ADAMTS12: variants seen among roughly 807,000 people sequenced by gnomAD.
ADAMTS12 encodes ADAM metallopeptidase with thrombospondin type 1 motif 12.
Under a neutral mutation model 167.8 loss-of-function variants are expected in ADAMTS12, and 118 were observed. The ratio of observed to expected loss-of-function variants is 0.70; its 90% CI spans 0.61 to 0.82. The LOEUF (loss-of-function observed/expected upper bound fraction) is 0.82, where lower values mean the gene tolerates loss of function less well. ADAMTS12 is among the 40% of genes least tolerant of loss of function. The pLI, the probability that ADAMTS12 is intolerant of heterozygous loss-of-function variation, is 0.00. For missense variants in ADAMTS12, 1,916 were observed against 1,998.8 expected (o/e 0.96, Z 0.79); for synonymous variants, 704 against 716.9 (o/e 0.98, Z 0.29).
chr5:33,770,073 T>C (rs1054630063), intron 2 of ADAMTS12, among the ~76,000 whole-genome samples: 7 of 152,122 alleles, frequency 4.6e-5, no homozygotes, highest in Admixed American at 4.6e-4. Flanking sequence ...TTTAATAATA[T>C]AATGGTCCCG....
Position 33,609,368 on chromosome 5 carries a change from CTT to C in ADAMTS12, c.2527+4868_2527+4869del, listed in dbSNP as rs66470839. Reference sequence around the variant, plus strand: ...AAAATTCATTATATTAAAAATTTAACTTTTTTTTTTTTTTTTTTTGGAGAGAG... The same window carrying C: ...AAAATTCATTATATTAAAAATTTAACTTTTTTTTTTTTTTTTTGGAGAGAG... On this transcript the variant is annotated intron_variant, in intron 16 of 23. Transcript: ENST00000504830. Among the ~76,000 whole-genome samples, 326 of 141,328 alleles carry C rather than the reference CTT, an allele frequency of 2.3e-3. 2 individuals are homozygous for C. Among genetic ancestry groups the C allele is most frequent in the East Asian group, 0.016 (76 of 4,798 alleles). 92.7% of individuals were successfully genotyped at this position (141,328 alleles called of 152,430 possible).
Position 33,576,657 on chromosome 5 carries a change from T to A in ADAMTS12, c.3369A>T (p.Thr1123=). The part of the protein sequence containing the change: ...PTSEGGLVAT[T]TSGSGLSSSR... ...AAGATGACAAGCCAGAACCACTTGT[T>A]GTTGTAGCTACAAGGCCTCCCTCCG... Residue 1123 remains threonine (T), a synonymous_variant, in exon 19 of 24, where the codon ACA becomes ACT. Transcript: ENST00000504830. 2.5e-6 allele frequency: 4 copies of A among 1,614,200 alleles called. No homozygotes were observed. The highest frequency in any genetic ancestry group is 3.4e-6 in the Non-Finnish European group (4 of 1,180,028).
Position 33,649,598 on chromosome 5 carries a change from C to T in ADAMTS12, c.1290G>A (p.Leu430=), listed in dbSNP as rs139405949. ...SRQLQYDPTP[L]TWSKCSEEYI... ...ACTCCTCGCTGCACTTGGACCATGT[C>T]AGCGGAGTGGGATCGTACTGGAGCT... The change falls in exon 8 of 24, where the codon CTG becomes CTA. Residue 430 remains leucine (L), a synonymous_variant. Coordinates refer to ENST00000504830, the MANE Select transcript of ADAMTS12 (RefSeq NM_030955.4). The T allele has an allele frequency of 7.0e-5, 113 of 1,614,046 alleles. No individual in the cohort carries two copies. The African/African-American group carries it at 1.4e-3, about 20-fold the overall frequency.
intron 15 of ADAMTS12, among the ~76,000 whole-genome samples, chr5:33,615,042 A>G (rs982479146): frequency 2.0e-5 from 3 of 152,162 alleles, no homozygotes; most frequent in African/African-American, 2.4e-5. Flanking sequence ...TCTTCCCCTT[A>G]CTTCCCTCTC....
At chr5:33,638,831 C>T (rs1740312281) in intron 11 of ADAMTS12, among the ~76,000 whole-genome samples, 1 of 152,008 alleles carries the variant, frequency 6.6e-6, no homozygotes, top group South Asian at 2.1e-4. Flanking sequence ...TTTTTCTTTC[C>T]TTTGTGATAC....
At chr5:33,644,351 C>A (rs12186654) in intron 9 of ADAMTS12, among the ~76,000 whole-genome samples, 85,933 of 151,934 alleles carry the variant, frequency 0.57, 24,952 homozygotes, top group East Asian at 0.67. Flanking sequence ...CTTTCTCCTC[C>A]ATCACACACC....
rs200408329 is a variant in ADAMTS12 at position 33,615,848 on chromosome 5, T to C, written c.2368A>G (p.Asn790Asp). 6.2e-7 allele frequency: 1 copy of C among 1,614,160 alleles called. No homozygotes were observed. Among genetic ancestry groups the C allele is most frequent in the East Asian group, 2.2e-5 (1 of 44,874 alleles). Residue 790 changes from asparagine (N) to aspartate (D), a missense_variant, in exon 15 of 24, where the codon AAT (asparagine) becomes GAT (aspartate). Asn to Asp is a conservative substitution (Grantham distance 23). Coordinates refer to ENST00000504830, the MANE Select transcript of ADAMTS12 (RefSeq NM_030955.4). The stretch of plus-strand genomic sequence containing the variant: ...ATTACCTGGATCCACACAGACTCAT[T>C]GGTGGGACCTGTGGCCATCAGCTTT... ...LEKLMATGPT[N>D]ESVWIQLLFQ...
At chr5:33,547,470 G>A (rs1745038456) in intron 21 of ADAMTS12, among the ~76,000 whole-genome samples, 1 of 152,116 alleles carries the variant, frequency 6.6e-6, no homozygotes, top group Non-Finnish European at 1.5e-5. Flanking sequence ...GGGTAGTTGA[G>A]GCGGGCCGAT....
rs780130411 is a variant in ADAMTS12, at chr5:33,576,971, G to A, written c.3055C>T (p.Leu1019=). 1.7e-5 allele frequency: 28 copies of A among 1,614,220 alleles called. No individual in the cohort carries two copies. In the South Asian group the frequency reaches 3.0e-4, roughly 17 times the overall value. ...TISNGKNPPT[L]KPVPPPTSRP... Reference sequence around the variant, plus strand: ...GATGTAGGTGGAGGGACGGGCTTTAGTGTTGGTGGGTTTTTTCCATTGGAA... The same window carrying A: ...GATGTAGGTGGAGGGACGGGCTTTAATGTTGGTGGGTTTTTTCCATTGGAA... Residue 1019 remains leucine (L), a synonymous_variant, in exon 19 of 24, where the codon CTA becomes TTA. Transcript: ENST00000504830.
At chr5:33,626,876 T>C (rs1022552652) in intron 13 of ADAMTS12, among the ~76,000 whole-genome samples, 1 of 149,496 alleles carries the variant, frequency 6.7e-6, no homozygotes, top group African/African-American at 2.5e-5. Flanking sequence ...GTGGTAGTGA[T>C]AGCGGTGGTG....
chr5:33,773,055 G>A (rs1448870316), intron 2 of ADAMTS12, among the ~76,000 whole-genome samples: 1 of 152,208 alleles, frequency 6.6e-6, no homozygotes, highest in Non-Finnish European at 1.5e-5. Context: ...CAAACAACCT[G>A]CATATGGAAG....
At chr5:33,699,571 C>T (rs966857) in intron 3 of ADAMTS12, among the ~76,000 whole-genome samples, 48,326 of 152,038 alleles carry the variant, frequency 0.32, 8,263 homozygotes, top group Non-Finnish European at 0.38. Flanking sequence ...ATTAAAATTA[C>T]TTTCTCTGCC....
At chr5:33,606,794 G>A (rs1361404219) in intron 16 of ADAMTS12, among the ~76,000 whole-genome samples, 1 of 152,180 alleles carries the variant, frequency 6.6e-6, no homozygotes, top group Non-Finnish European at 1.5e-5. Context: ...GCTGAACAAG[G>A]AGAGTGCTGG....
chr5:33,575,245 A>C (rs1746633594), intron 19 of ADAMTS12, among the ~76,000 whole-genome samples: 1 of 152,248 alleles, frequency 6.6e-6, no homozygotes, highest in Admixed American at 6.5e-5. Context: ...TGTTTTAACA[A>C]GTTTTGTCTT....
chr5:33,687,499 C>A (rs1013158432), intron 3 of ADAMTS12, among the ~76,000 whole-genome samples: 1 of 152,360 alleles, frequency 6.6e-6, no homozygotes, highest in Admixed American at 6.5e-5. Flanking sequence ...GCCCAAGTTA[C>A]TCTCCTGAAT....
chr5:33,626,392 GTGA>G (rs1739604566), intron 13 of ADAMTS12, among the ~76,000 whole-genome samples: 1 of 148,002 alleles, frequency 6.8e-6, no homozygotes, highest in South Asian at 2.2e-4. Flanking sequence ...GATGGTAGTG[GTGA>G]TGGTGGTGGG....
chr5:33,812,743 A>G (rs1003839826), intron 2 of ADAMTS12, among the ~76,000 whole-genome samples: 3 of 152,228 alleles, frequency 2.0e-5, no homozygotes, highest in Admixed American at 1.3e-4. Context: ...TATTGTTTGA[A>G]TACATCACAA....
At chr5:33,584,358 T>C (rs1325314882) in intron 18 of ADAMTS12, among the ~76,000 whole-genome samples, 5 of 152,242 alleles carry the variant, frequency 3.3e-5, no homozygotes, top group Middle Eastern at 3.4e-3. Flanking sequence ...ATGCAATGCA[T>C]GAGGTTTTTT....
intron 3 of ADAMTS12, among the ~76,000 whole-genome samples, chr5:33,707,515 A>G (rs370028031): frequency 4.7e-4 from 72 of 152,324 alleles, no homozygotes; most frequent in Middle Eastern, 3.4e-3. Flanking sequence ...AGCAAAAAGA[A>G]CAAAGCTGGA....
Sources: allele counts gnomAD v4.1 joint callset (sites outside exome capture counted in the v4.1 genomes callset), GRCh38; gene constraint gnomAD v4.1.1; transcripts MANE v1.5; gene names NCBI Gene and HGNC (gene_info 2026-07-23, HGNC 2026-07-21).